Variants in ARHGDIB observed in about 807,000 individuals in gnomAD.
ARHGDIB encodes Rho GDP dissociation inhibitor beta.
A neutral mutation model predicts 22.6 loss-of-function variants in ARHGDIB; 20 were observed. The ratio of observed to expected loss-of-function variants is 0.88; its 90% CI spans 0.62 to 1.28. The LOEUF (loss-of-function observed/expected upper bound fraction) is 1.28. Among genes scored for constraint, ARHGDIB ranks in the 50% most tolerant of loss-of-function variants. The pLI is 0.00. For synonymous variants in ARHGDIB, 114 were observed against 96.1 expected, an observed-to-expected ratio of 1.19 and a Z score of -1.09; for missense variants, 254 against 245.4, an observed-to-expected ratio of 1.04 and a Z score of -0.23.
chr12:14,949,961 C>A (rs1864130404), intron 2 of ARHGDIB, 76 bp from the exon 3 acceptor site: 2 of 1,253,968 alleles, frequency 1.6e-6, no homozygotes, highest in Non-Finnish European at 2.2e-6. Flanking sequence ...AAGTGGGAGA[C>A]AGAGAGTATG....
At chr12:14,960,814 T>C (rs577154817) in intron 1 of ARHGDIB, among the ~76,000 whole-genome samples, 1 of 152,338 alleles carries the variant, frequency 6.6e-6, no homozygotes, top group African/African-American at 2.4e-5. Context: ...TATTATTATT[T>C]TTGACAACAA....
chr12:14,945,865 C>A (rs1219467369), intron 4 of ARHGDIB, among the ~76,000 whole-genome samples: 1 of 152,160 alleles, frequency 6.6e-6, no homozygotes, highest in Non-Finnish European at 1.5e-5. Flanking sequence ...AAATTAGCAT[C>A]ATCAAAGAGA....
At position 14,942,455 on chromosome 12, in the gene ARHGDIB, A is replaced by G. The variant is rs1468998341; in HGVS notation, c.*67T>C. On this transcript the variant is annotated 3_prime_UTR_variant, in exon 6 of 6. Coordinates refer to ENST00000228945, the MANE Select transcript of ARHGDIB (RefSeq NM_001175.7). ...ACCCAGCTGTGGACAGGGAGGAGGG[A>G]CAGGGTGCTGAACACGCCTGAGAGA... 7 of 1,548,124 alleles carry G rather than the reference A, an allele frequency of 4.5e-6. No homozygotes were observed. Among genetic ancestry groups the G allele is most frequent in the Admixed American group, 3.3e-5 (2 of 59,786 alleles).
At chr12:14,942,872 C>A (rs2120662900) in intron 5 of ARHGDIB, 151 bp from the exon 6 acceptor site, 1 of 531,860 alleles carries the variant, frequency 1.9e-6, no homozygotes, top group Non-Finnish European at 3.2e-6. Flanking sequence ...CCTGAGGCAT[C>A]TTTTTTTTTT....
chr12:14,960,275 C>T (rs1249444324), intron 1 of ARHGDIB, among the ~76,000 whole-genome samples: 2 of 152,274 alleles, frequency 1.3e-5, no homozygotes, highest in South Asian at 2.1e-4. Flanking sequence ...GTTTATGAAA[C>T]ATGCTGGCTG....
At chr12:14,956,011 T>C (rs1200597664) in intron 1 of ARHGDIB, among the ~76,000 whole-genome samples, 1 of 152,224 alleles carries the variant, frequency 6.6e-6, no homozygotes, top group Non-Finnish European at 1.5e-5. Flanking sequence ...ACCAGGAAAC[T>C]AAAGTTCACG....
At chr12:14,951,211 T>C (rs1015630126) in intron 1 of ARHGDIB, 3 of 153,116 alleles carry the variant, frequency 2.0e-5, no homozygotes, top group African/African-American at 7.3e-5. Context: ...AATGGTTGGC[T>C]CCTCCCCATC....
At chr12:14,955,073 T>C (rs781714791) in intron 1 of ARHGDIB, among the ~76,000 whole-genome samples, 7 of 152,214 alleles carry the variant, frequency 4.6e-5, no homozygotes, top group Non-Finnish European at 1.0e-4. Flanking sequence ...GACATAAAAT[T>C]ATTTTTCTTT....
intron 4 of ARHGDIB, 120 bp from the exon 5 acceptor site, chr12:14,944,959 TCAGAATTGGTG>T: frequency 4.1e-6 from 3 of 740,332 alleles, no homozygotes; most frequent in Non-Finnish European, 6.4e-6. Flanking sequence ...AAGATTTAGT[TCAGAATTGGTG>T]TTTCTATAAT....
chr12:14,945,628 G>T (rs896455725), intron 4 of ARHGDIB, among the ~76,000 whole-genome samples: 1 of 152,236 alleles, frequency 6.6e-6, no homozygotes, highest in African/African-American at 2.4e-5. Context: ...GAAGAGCTTG[G>T]TTATCTGTTC....
chr12:14,949,796 A>T lies in ARHGDIB; in HGVS notation c.265+6T>A. 6.2e-7 allele frequency: 1 copy of T among 1,613,246 alleles called. No individual in the cohort carries two copies. Among genetic ancestry groups the T allele is most frequent in the South Asian group, 1.1e-5 (1 of 91,074 alleles). On this transcript the variant is annotated splice_donor_region_variant and intron_variant, in intron 3 of 5. Transcript: ENST00000228945. ...CCCTTTGAACAGTACAGATGTGTCT[A>T]CATACCAGTAAGGTCCATGGTGATT...
At chr12:14,954,447 A>C (rs1294753855) in intron 1 of ARHGDIB, among the ~76,000 whole-genome samples, 1 of 152,246 alleles carries the variant, frequency 6.6e-6, no homozygotes, top group Non-Finnish European at 1.5e-5. Context: ...ACATGGGTGC[A>C]GGAAGTAGAC....
intron 3 of ARHGDIB, 151 bp from the exon 4 acceptor site, chr12:14,948,100 G>GCACACACACACACACACACA (rs56206040): frequency 7.3e-6 from 3 of 410,012 alleles, no homozygotes; most frequent in African/African-American, 6.4e-5. Context: ...TTTAGTCCTT[G>GCACACACACACACACACACA]CACACACACA....
intron 1 of ARHGDIB, among the ~76,000 whole-genome samples, chr12:14,953,137 G>C (rs1461511279): frequency 6.6e-6 from 1 of 152,240 alleles, no homozygotes; most frequent in Non-Finnish European, 1.5e-5. Flanking sequence ...ATTGCAAACA[G>C]ATATAACAAT....
chr12:14,950,872 A>T (rs955485105), intron 1 of ARHGDIB, 148 bp from the exon 2 acceptor site: 14 of 603,658 alleles, frequency 2.3e-5, no homozygotes, highest in African/African-American at 1.9e-4. Flanking sequence ...ATCTCATTAA[A>T]TTCTATGAAA....
At chr12:14,961,176 C>T (rs12580414) in intron 1 of ARHGDIB, 1 of 152,344 alleles carries the variant, frequency 6.6e-6, no homozygotes, top group South Asian at 2.1e-4. Flanking sequence ...GATCTACAGT[C>T]TTTTTCTTCC....
At chr12:14,944,214 G>A (rs965381308) in intron 5 of ARHGDIB, among the ~76,000 whole-genome samples, 8 of 150,542 alleles carry the variant, frequency 5.3e-5, no homozygotes, top group Non-Finnish European at 1.0e-4. Flanking sequence ...CCCAAGGCAT[G>A]ACAAGAAGAA....
chr12:14,960,458 A>G (rs1864387190), intron 1 of ARHGDIB, among the ~76,000 whole-genome samples: 1 of 151,992 alleles, frequency 6.6e-6, no homozygotes, highest in African/African-American at 2.4e-5. Context: ...GGTGTTTTCC[A>G]TGTTTGCTGT....
chr12:14,953,827 C>T (rs995475097), intron 1 of ARHGDIB, among the ~76,000 whole-genome samples: 44 of 151,638 alleles, frequency 2.9e-4, no homozygotes, highest in African/African-American at 1.0e-3. Context: ...TGCTCTCTCT[C>T]TCTCTCTCTC....
Sources: allele counts gnomAD v4.1 joint callset (sites outside exome capture counted in the v4.1 genomes callset), GRCh38; gene constraint gnomAD v4.1.1; transcripts MANE v1.5; gene names NCBI Gene and HGNC (gene_info 2026-07-23, HGNC 2026-07-21).